Variants in MAMDC2 observed in about 807,000 individuals in gnomAD.
MAMDC2 encodes the protein MAM domain containing 2, also known as MAM domain-containing protein 2.
Under a neutral mutation model 89.8 loss-of-function variants are expected in MAMDC2, and 57 were observed. The observed-to-expected ratio is 0.63, with a 90% CI of 0.51 to 0.79. MAMDC2 has a LOEUF of 0.79. Ranked by LOEUF, MAMDC2 falls within the 30% of genes least tolerant of loss-of-function variation. The probability of loss-of-function intolerance (pLI) is 0.00; values close to 1 mark genes in which losing one functional copy is unlikely to be tolerated. For synonymous variants in MAMDC2, 313 were observed against 293.4 expected (o/e 1.07, Z -0.68); for missense variants, 800 against 820.6 (o/e 0.97, Z 0.31).
intron 11 of MAMDC2, chr9:70,194,485 A>T (rs2182733): frequency 0.92 from 140,416 of 152,136 alleles, 64,878 homozygotes; most frequent in East Asian, 0.98. Flanking sequence ...TCCTCCCCTC[A>T]GGAAGATGCA....
At chr9:70,213,484 T>C (rs2033393540) in intron 11 of MAMDC2, among the ~76,000 whole-genome samples, 1 of 152,210 alleles carries the variant, frequency 6.6e-6, no homozygotes, top group South Asian at 2.1e-4. Flanking sequence ...TACTAACTTA[T>C]GTGTAGGATA....
At chr9:70,064,259 C>G (rs1485177445) in intron 2 of MAMDC2, among the ~76,000 whole-genome samples, 1 of 151,870 alleles carries the variant, frequency 6.6e-6, no homozygotes, top group Non-Finnish European at 1.5e-5. Flanking sequence ...GATCTTTGTG[C>G]CCCATCACCC....
rs1291906840 is a variant in MAMDC2, at chr9:70,099,428, T to C, written c.149-8783T>C. On this transcript the variant is annotated intron_variant, in intron 2 of 13. Coordinates refer to ENST00000377182, the MANE Select transcript of MAMDC2 (RefSeq NM_153267.5). The stretch of plus-strand genomic sequence containing the variant: ...ATGTAAGCTGATGGCTTATACATAA[T>C]TGAGGATGCAGTTCCACAGAGGCAT... Among the ~76,000 whole-genome samples, 6 of 152,196 alleles carry C rather than the reference T, an allele frequency of 3.9e-5. No homozygotes were observed. The East Asian group carries it at 9.6e-4, about 24-fold the overall frequency.
rs1389184641 is a variant in MAMDC2 at position 70,044,194 on chromosome 9, G to T, written c.-4G>T. 3 of 1,613,686 alleles carry T rather than the reference G, an allele frequency of 1.9e-6. No homozygotes were observed. Among genetic ancestry groups the T allele is most frequent in the Non-Finnish European group, 2.5e-6 (3 of 1,179,946 alleles). ...TTCCTAGTCATCCTCCCTGAAACGC[G>T]ACCATGCTGTTAAGGGGCGTCCTCC... On this transcript the variant is annotated 5_prime_UTR_variant, in exon 1 of 14. Transcript: ENST00000377182.
chr9:70,135,552 T>C (rs1269392318), intron 7 of MAMDC2, among the ~76,000 whole-genome samples: 1 of 152,176 alleles, frequency 6.6e-6, no homozygotes, highest in Non-Finnish European at 1.5e-5. Context: ...TATAATCCCA[T>C]CATCAGAAAA....
chr9:70,082,630 C>T (rs1016790110), intron 2 of MAMDC2: 2 of 152,054 alleles, frequency 1.3e-5, no homozygotes, highest in Non-Finnish European at 2.9e-5. Flanking sequence ...ACCTTATAAT[C>T]CGATAAATTA....
At chr9:70,181,252 T>A (rs1296588857) in intron 11 of MAMDC2, among the ~76,000 whole-genome samples, 2 of 152,252 alleles carry the variant, frequency 1.3e-5, no homozygotes, top group African/African-American at 4.8e-5. Context: ...TTGGTTACTG[T>A]AGCCTTGTAG....
intron 10 of MAMDC2, among the ~76,000 whole-genome samples, chr9:70,169,324 C>T (rs551890736): frequency 1.9e-4 from 29 of 152,238 alleles, no homozygotes; most frequent in African/African-American, 6.0e-4. Flanking sequence ...TCATACATTA[C>T]GCCTAATGAG....
In MAMDC2 at chr9:70,143,451, G is replaced by A. The variant is rs941104927; in HGVS notation, c.1139-103G>A. ...AATGCTTTCTATCATTTAAAGCATA[G>A]CTGATAGTCTTTGCTGTCTAGTTCT... is the stretch of plus-strand genomic sequence containing the variant. On this transcript the variant is annotated intron_variant, in intron 8 of 13. Coordinates refer to ENST00000377182, the MANE Select transcript of MAMDC2 (RefSeq NM_153267.5). 3 of 1,297,520 alleles carry A rather than the reference G, an allele frequency of 2.3e-6. No individual in the cohort carries two copies. In the South Asian group the frequency reaches 4.2e-5, roughly 18 times the overall value. 80.4% of individuals were successfully genotyped at this position (1,297,520 alleles called of 1,614,324 possible). A position where few individuals can be genotyped will look rare whatever the true frequency, so the allele number is the denominator to read the frequency against.
At chr9:70,101,741 C>CA (rs1458232533) in intron 2 of MAMDC2, among the ~76,000 whole-genome samples, 1 of 152,152 alleles carries the variant, frequency 6.6e-6, no homozygotes, top group Non-Finnish European at 1.5e-5. Context: ...TGCATAATGA[C>CA]AAAATCACCC....
In MAMDC2 at chr9:70,106,750, G is replaced by A. The variant is rs139492306; in HGVS notation, c.149-1461G>A. 5.9e-5 allele frequency among the ~76,000 whole-genome samples: 9 copies of A among 152,244 alleles called. 1 individual carries two copies. The highest frequency in any genetic ancestry group is 3.9e-4 in the East Asian group (2 of 5,172). The stretch of plus-strand genomic sequence containing the variant: ...CAATTGCTATCTGCACCCAGTGGGC[G>A]GTTGCTATGTTAAGAAGATTGCCAG... On this transcript the variant is annotated intron_variant, in intron 2 of 13. Transcript: ENST00000377182.
chr9:70,072,882 C>T lies in MAMDC2; in HGVS notation c.148+28185C>T, dbSNP rs1043608431. On this transcript the variant is annotated intron_variant, in intron 2 of 13. Transcript: ENST00000377182. ...TGGAGACAGAGTCTCGCTCTGTCCA[C>T]TGGAGTGCAGTGGTGCAATCTCGGC... is the stretch of plus-strand genomic sequence containing the variant. Among the ~76,000 whole-genome samples the T allele has an allele frequency of 3.3e-5, 5 of 152,170 alleles. No individual in the cohort carries two copies. In the South Asian group the frequency reaches 1.0e-3, roughly 32 times the overall value.
At position 70,050,766 on chromosome 9, in the gene MAMDC2, G is replaced by A. The variant is rs866076075; in HGVS notation, c.148+6069G>A. The stretch of plus-strand genomic sequence containing the variant: ...GTGGTTTTCTTTTGCTTATAGTTAT[G>A]CCATCTACTCTTCATTCCAACCAGA... On this transcript the variant is annotated intron_variant, in intron 2 of 13. Transcript: ENST00000377182. Among the ~76,000 whole-genome samples the A allele has an allele frequency of 4.6e-5, 7 of 152,184 alleles. No homozygotes were observed. In the South Asian group the frequency reaches 8.3e-4, roughly 18 times the overall value.
chr9:70,164,996 C>A (rs2032122221), intron 9 of MAMDC2, among the ~76,000 whole-genome samples: 1 of 36,376 alleles, frequency 2.7e-5, no homozygotes, highest in African/African-American at 6.8e-5. Flanking sequence ...GGTATGGTAC[C>A]CTCTTAGATA....
chr9:70,182,349 T>C (rs2032662367), intron 11 of MAMDC2, among the ~76,000 whole-genome samples: 1 of 152,156 alleles, frequency 6.6e-6, no homozygotes. Context: ...GGTTTTGGTG[T>C]CAGAATGATG....
chr9:70,169,644 T>C (rs1378264991), intron 10 of MAMDC2: 2 of 152,066 alleles, frequency 1.3e-5, no homozygotes, highest in African/African-American at 2.4e-5. Context: ...AAGAGACATA[T>C]GAAACAAGCT....
At chr9:70,095,593 G>T (rs1828009525) in intron 2 of MAMDC2, among the ~76,000 whole-genome samples, 1 of 152,170 alleles carries the variant, frequency 6.6e-6, no homozygotes. Flanking sequence ...GGGAGAAAGA[G>T]AATGAGTTTA....
At chr9:70,161,518 T>C (rs1017524132) in intron 9 of MAMDC2, among the ~76,000 whole-genome samples, 1 of 152,234 alleles carries the variant, frequency 6.6e-6, no homozygotes, top group African/African-American at 2.4e-5. Context: ...CCAAATATAG[T>C]ATCTGCAGCA....
At chr9:70,127,778 G>T (rs970586170) in intron 6 of MAMDC2, among the ~76,000 whole-genome samples, 2 of 151,588 alleles carry the variant, frequency 1.3e-5, no homozygotes, top group Non-Finnish European at 2.9e-5. Flanking sequence ...GTCTCGATTT[G>T]TTCTTGCAGC....
Sources: gnomAD v4.1 joint callset for allele counts (sites outside exome capture counted in the v4.1 genomes callset) on GRCh38, gnomAD v4.1.1 for gene constraint, MANE v1.5 for transcripts, NCBI Gene and HGNC (gene_info 2026-07-23, HGNC 2026-07-21) for gene names.